ADGRB1: variants seen among roughly 807,000 people sequenced by gnomAD.
The protein encoded by ADGRB1 is brain-specific angiogenesis inhibitor 1.
Under a neutral mutation model 175.7 loss-of-function variants are expected in ADGRB1, and 36 were observed. The observed-to-expected ratio is 0.20, with a 90% CI of 0.16 to 0.27. The LOEUF (loss-of-function observed/expected upper bound fraction) is 0.27, where lower values mean the gene tolerates loss of function less well. Ranked by LOEUF, ADGRB1 falls within the 10% of genes least tolerant of loss-of-function variation. The pLI is 1.00. For missense variants in ADGRB1, 1,731 were observed against 2,255.3 expected, an observed-to-expected ratio of 0.77 and a Z score of 4.71; for synonymous variants, 1,054 against 979.4, an observed-to-expected ratio of 1.08 and a Z score of -1.42.
At chr8:142,499,798 G>T (rs1372414097) in intron 17 of ADGRB1, among the ~76,000 whole-genome samples, 1 of 152,216 alleles carries the variant, frequency 6.6e-6, no homozygotes, top group Non-Finnish European at 1.5e-5. Context: ...TGCAAGGAGA[G>T]GGCCGCCACT....
At chr8:142,517,353 G>C (rs1476145869) in intron 18 of ADGRB1, among the ~76,000 whole-genome samples, 3 of 152,208 alleles carry the variant, frequency 2.0e-5, no homozygotes, top group South Asian at 2.1e-4. Flanking sequence ...GGTCACCCCG[G>C]CACCCGGATG....
intron 17 of ADGRB1, 135 bp downstream of exon 17, chr8:142,490,950 C>T (rs1434042742): frequency 2.3e-5 from 27 of 1,177,654 alleles, no homozygotes; most frequent in East Asian, 5.2e-5. Context: ...CATGGGCCTC[C>T]GTGTCACCAC....
rs1402099384 is a variant in ADGRB1 at position 142,492,033 on chromosome 8, G to A, written c.2675+1218G>A. Among the ~76,000 whole-genome samples the A allele has an allele frequency of 6.6e-6, 1 of 151,980 alleles. No homozygotes were observed. Among genetic ancestry groups the A allele is most frequent in the African/African-American group, 2.4e-5 (1 of 41,360 alleles). The stretch of plus-strand genomic sequence containing the variant: ...GGCCGCGGCAGGGTGAGGACAGTTA[G>A]TGGGGGCTGGGTGTCATGACTCTCC... On this transcript the variant is annotated intron_variant, in intron 17 of 30. Transcript: ENST00000517894. The surrounding 1 kb of genome is among the most constrained non-coding windows in gnomAD (Gnocchi z 4.4).
Position 142,463,965 on chromosome 8 carries a change from C to T in ADGRB1, c.-219-15C>T, listed in dbSNP as rs1029273798. 1 of 357,934 alleles carries T rather than the reference C, an allele frequency of 2.8e-6. No homozygotes were observed. Among genetic ancestry groups the T allele is most frequent in the Non-Finnish European group, 4.9e-6 (1 of 202,880 alleles). The allele number at this position is 357,934 out of a possible 1,614,324, so 22.2% of individuals were successfully genotyped here. On this transcript the variant is annotated splice_polypyrimidine_tract_variant and intron_variant, in intron 1 of 30. Coordinates refer to ENST00000517894, the MANE Select transcript of ADGRB1 (RefSeq NM_001702.3). ...CCCAAGTGCTCACTCTGACCCTCTG[C>T]TCTTTCTCTTCCAGCTGCTGCTGGT...
intron 1 of ADGRB1, among the ~76,000 whole-genome samples, chr8:142,463,336 C>G (rs1433582077): frequency 1.3e-5 from 2 of 152,236 alleles, no homozygotes; most frequent in African/African-American, 4.8e-5. Flanking sequence ...CAAATCTGAA[C>G]TCCCCTCACC....
chr8:142,530,763 G>T (rs1054303550), intron 24 of ADGRB1, among the ~76,000 whole-genome samples: 24 of 152,302 alleles, frequency 1.6e-4, no homozygotes, highest in Admixed American at 2.6e-4. Context: ...AGAGAGAAGT[G>T]GGGGCCAGAA....
intron 17 of ADGRB1, among the ~76,000 whole-genome samples, chr8:142,506,009 CCCTA>C (rs1487415193): frequency 6.6e-6 from 1 of 152,202 alleles, no homozygotes; most frequent in Non-Finnish European, 1.5e-5. Context: ...TGGCTGTGCG[CCCTA>C]CCTTAGTGGC....
At chr8:142,506,110 C>T (rs921237288) in intron 17 of ADGRB1, among the ~76,000 whole-genome samples, 1 of 152,122 alleles carries the variant, frequency 6.6e-6, no homozygotes, top group Non-Finnish European at 1.5e-5. Flanking sequence ...AGCACCTGGG[C>T]GACCCCGAGG....
At chr8:142,477,304 G>T (rs748583010) in intron 5 of ADGRB1, 26 bp downstream of exon 5, 1 of 1,588,686 alleles carries the variant, frequency 6.3e-7, no homozygotes, top group Non-Finnish European at 8.6e-7. Flanking sequence ...GGCTGGGGCA[G>T]CGGACAGCCA....
chr8:142,544,449 G>T lies in ADGRB1; in HGVS notation c.*32G>T. 1 of 1,442,690 alleles carries T rather than the reference G, an allele frequency of 6.9e-7. No homozygotes were observed. Among genetic ancestry groups the T allele is most frequent in the Middle Eastern group, 2.4e-4 (1 of 4,152 alleles). The allele number at this position is 1,442,690 out of a possible 1,614,324, so 89.4% of individuals were successfully genotyped here. On this transcript the variant is annotated 3_prime_UTR_variant, in exon 31 of 31. Transcript: ENST00000517894. ...GGGCGGCGGCCACGCACTGGGCCAC[G>T]GAGGAGGGATGCTGCTCCGCCCGCT...
Position 142,542,036 on chromosome 8 carries a change from C to G in ADGRB1, c.3802C>G (p.His1268Asp). 1 of 1,610,606 alleles carries G rather than the reference C, an allele frequency of 6.2e-7. No homozygotes were observed. The highest frequency in any genetic ancestry group is 1.6e-4 in the Middle Eastern group (1 of 6,062). ...LPEEEKLKLA[H>D]AKGPPTNFNS... Reference sequence around the variant, plus strand: ...CGAGGAGGAGAAGCTGAAGCTGGCCCATGCCAAGGGGCCGCCCACCAATTT... The same window carrying G: ...CGAGGAGGAGAAGCTGAAGCTGGCCGATGCCAAGGGGCCGCCCACCAATTT... The change falls in exon 28 of 31, where the codon CAT becomes GAT. Residue 1268 changes from histidine to aspartate, a missense_variant. Coordinates refer to ENST00000517894, the MANE Select transcript of ADGRB1 (RefSeq NM_001702.3). This position sits in a 1 kb window ranked among gnomAD's most constrained non-coding sequence, Gnocchi z 6.3.
intron 25 of ADGRB1, among the ~76,000 whole-genome samples, chr8:142,534,158 G>T (rs1844794936): frequency 6.6e-6 from 1 of 152,224 alleles, no homozygotes; most frequent in Non-Finnish European, 1.5e-5. Flanking sequence ...CAGGATGAGA[G>T]GTGCAGTCCC....
chr8:142,452,761 T>C (rs1472896707), intron 1 of ADGRB1, among the ~76,000 whole-genome samples: 1 of 151,370 alleles, frequency 6.6e-6, no homozygotes, highest in Non-Finnish European at 1.5e-5. Context: ...TGCGGCGTCC[T>C]CCGCCCCCGG....
At chr8:142,523,667 C>T (rs1281364685) in intron 22 of ADGRB1, among the ~76,000 whole-genome samples, 1 of 151,538 alleles carries the variant, frequency 6.6e-6, no homozygotes, top group Non-Finnish European at 1.5e-5. Flanking sequence ...TGACAGATGA[C>T]ATGAGGTAGG....
chr8:142,500,330 GC>G (rs1233059555), intron 17 of ADGRB1, among the ~76,000 whole-genome samples: 1 of 10,822 alleles, frequency 9.2e-5, no homozygotes, highest in African/African-American at 8.0e-4. Context: ...CTCCTCCCCC[GC>G]CCCCCGCGCC....
intron 24 of ADGRB1, among the ~76,000 whole-genome samples, chr8:142,528,518 G>A (rs531519306): frequency 6.6e-6 from 1 of 152,228 alleles, no homozygotes; most frequent in South Asian, 2.1e-4. Context: ...GCTTGCTTTC[G>A]TTTCAGCCTT....
Position 142,510,915 on chromosome 8 carries a change from GTCC to G in ADGRB1, c.2676-16_2676-14del. The G allele has an allele frequency of 6.6e-6, 7 of 1,061,622 alleles. No homozygotes were observed. The highest frequency in any genetic ancestry group is 8.1e-6 in the Non-Finnish European group (7 of 868,638). 65.8% of individuals were successfully genotyped at this position (1,061,622 alleles called of 1,614,324 possible). A position where few individuals can be genotyped will look rare whatever the true frequency, so the allele number is the denominator to read the frequency against. On this transcript the variant is annotated splice_polypyrimidine_tract_variant and intron_variant, in intron 17 of 30. Coordinates refer to ENST00000517894, the MANE Select transcript of ADGRB1 (RefSeq NM_001702.3). The surrounding 1 kb of genome is among the most constrained non-coding windows in gnomAD (Gnocchi z 6.3). ...GACGCTCCGCCTGTCTCCCTCCCGT[GTCC>G]CGCCCGCCCCCAGACCCTCCTCCTC...
At chr8:142,485,058 G>A (rs2131850277) in intron 13 of ADGRB1, among the ~76,000 whole-genome samples, 1 of 152,312 alleles carries the variant, frequency 6.6e-6, no homozygotes, top group East Asian at 1.9e-4. Flanking sequence ...CACCCCCAGT[G>A]CCCTCCCTGT....
At chr8:142,536,677 C>T (rs1221116328) in intron 25 of ADGRB1, among the ~76,000 whole-genome samples, 2 of 151,850 alleles carry the variant, frequency 1.3e-5, no homozygotes, top group Admixed American at 6.6e-5. Context: ...CGCTGCAGGT[C>T]AGGGCAGGTT....
Sources: allele counts gnomAD v4.1 joint callset (sites outside exome capture counted in the v4.1 genomes callset), GRCh38; gene constraint gnomAD v4.1.1; non-coding constraint Gnocchi (gnomAD v3.1); transcripts MANE v1.5; gene names NCBI Gene and HGNC (gene_info 2026-07-23, HGNC 2026-07-21).